Variants in MAF observed in about 807,000 individuals in gnomAD.
The protein encoded by MAF is transcription factor Maf.
In MAF, 10 loss-of-function variants were observed where a neutral mutation model predicts 22.0. The ratio of observed to expected loss-of-function variants is 0.45; its 90% CI spans 0.28 to 0.77. MAF has a LOEUF of 0.77. MAF is among the 30% of genes least tolerant of loss of function. The probability of loss-of-function intolerance (pLI) is 0.12; values close to 1 mark genes in which losing one functional copy is unlikely to be tolerated. For synonymous variants in MAF, 337 were observed against 255.8 expected (o/e 1.32, Z -3.03); for missense variants, 544 against 548.4 (o/e 0.99, Z 0.08).
At chr16:79,404,022 G>A in the MAF span, among the ~76,000 whole-genome samples, 2 of 152,034 alleles carry the variant, frequency 1.3e-5, no homozygotes, top group African/African-American at 2.4e-5. Context: ...GCATCACCAC[G>A]TATTTCTAAA....
the MAF span, among the ~76,000 whole-genome samples, chr16:79,231,652 A>G: frequency 6.6e-6 from 1 of 152,086 alleles, no homozygotes; most frequent in African/African-American, 2.4e-5. Flanking sequence ...AGAATTACAA[A>G]GGTGTTAAGA....
downstream of MAF, among the ~76,000 whole-genome samples, chr16:79,584,615 T>C (rs2143686705): frequency 6.6e-6 from 1 of 152,270 alleles, no homozygotes; most frequent in South Asian, 2.1e-4. Context: ...CCAGTGGACC[T>C]AGATCATCAT....
chr16:79,496,879 A>G, the MAF span, among the ~76,000 whole-genome samples: 1 of 152,160 alleles, frequency 6.6e-6, no homozygotes, highest in African/African-American at 2.4e-5. Flanking sequence ...AATCCCTCTG[A>G]TTATTATTTT....
chr16:79,550,869 C>G, the MAF span, among the ~76,000 whole-genome samples: 1 of 152,158 alleles, frequency 6.6e-6, no homozygotes, highest in East Asian at 1.9e-4. Context: ...GAGATTGGCA[C>G]AGATGGCTCA....
the MAF span, among the ~76,000 whole-genome samples, chr16:79,306,724 C>T: frequency 3.9e-5 from 6 of 152,266 alleles, no homozygotes; most frequent in East Asian, 9.6e-4. Flanking sequence ...CACTTTCGTT[C>T]TTATCTTGGG....
the MAF span, among the ~76,000 whole-genome samples, chr16:79,396,413 G>T: frequency 1.3e-5 from 2 of 152,290 alleles, no homozygotes; most frequent in Admixed American, 1.3e-4. Context: ...CAAAGAAGTG[G>T]AAACCACAAG....
chr16:79,205,979 A>T, the MAF span: 1 of 152,192 alleles, frequency 6.6e-6, no homozygotes, highest in Non-Finnish European at 1.5e-5. Context: ...TTAGTTCTGC[A>T]AATCTGGCAC....
At chr16:79,558,576 A>G in the MAF span, among the ~76,000 whole-genome samples, 5 of 152,354 alleles carry the variant, frequency 3.3e-5, no homozygotes, top group East Asian at 1.9e-4. Context: ...AATCAGCTCC[A>G]TAACACAAAG....
the MAF span, among the ~76,000 whole-genome samples, chr16:79,323,505 G>T: frequency 1.3e-5 from 2 of 152,286 alleles, no homozygotes; most frequent in East Asian, 3.9e-4. Context: ...ATAAACTTCA[G>T]CTTGCAAGAC....
chr16:79,372,066 A>ATTT, the MAF span, among the ~76,000 whole-genome samples: 2,243 of 132,410 alleles, frequency 0.017, 57 homozygotes, highest in African/African-American at 0.055. Flanking sequence ...AGGGAGAGGA[A>ATTT]TTTTTTTTTT....
the MAF span, among the ~76,000 whole-genome samples, chr16:79,529,842 T>A: frequency 6.6e-6 from 1 of 151,834 alleles, no homozygotes; most frequent in Non-Finnish European, 1.5e-5. Context: ...ACACCTGTAA[T>A]CCCAGCTACT....
chr16:79,597,284 G>C (rs758348436), intron 1 of MAF: 2 of 1,045,004 alleles, frequency 1.9e-6, no homozygotes, highest in Non-Finnish European at 1.2e-6. Context: ...TGGGCTAACA[G>C]ATTATAAAAA....
the MAF span, among the ~76,000 whole-genome samples, chr16:79,543,352 C>T: frequency 6.6e-6 from 1 of 152,174 alleles, no homozygotes; most frequent in Non-Finnish European, 1.5e-5. Context: ...GGTCAAGTGC[C>T]TCCTTCCCAC....
chr16:79,341,386 T>A, the MAF span, among the ~76,000 whole-genome samples: 17 of 152,186 alleles, frequency 1.1e-4, no homozygotes, highest in Non-Finnish European at 2.1e-4. Flanking sequence ...GCTCAGTGGC[T>A]ACTCAGCGGG....
chr16:79,536,241 A>C, the MAF span, among the ~76,000 whole-genome samples: 115,245 of 152,230 alleles, frequency 0.76, 45,545 homozygotes, highest in Non-Finnish European at 0.87. Flanking sequence ...AATTCACTGC[A>C]AATTTCTGCC....
the MAF span, among the ~76,000 whole-genome samples, chr16:79,334,084 A>G: frequency 6.6e-6 from 1 of 152,242 alleles, no homozygotes; most frequent in East Asian, 1.9e-4. Context: ...TGTGAGACAA[A>G]CATCGGATGC....
chr16:79,283,967 C>CAAAA, the MAF span, among the ~76,000 whole-genome samples: 62 of 115,538 alleles, frequency 5.4e-4, 2 homozygotes, highest in African/African-American at 1.3e-3. Context: ...ACCTCCTCCT[C>CAAAA]AAAAAAAAAA....
Position 79,599,032 on chromosome 16 carries a change from G to C in MAF, c.871C>G (p.Gln291Glu). ...VSKEEVIRLK[Q>E]KRRTLKNRGY... Reference sequence around the variant, plus strand: ...CGGTTTTTCAGGGTCCGCCTCTTCTGCTTCAGCCGGATCACCTCCTCCTTG... The same window carrying C: ...CGGTTTTTCAGGGTCCGCCTCTTCTCCTTCAGCCGGATCACCTCCTCCTTG... Residue 291 changes from glutamine to glutamate, a missense_variant, in exon 1 of 2, where the codon CAG becomes GAG. By Grantham distance (29) the Gln-to-Glu change is conservative. Transcript: ENST00000326043. 1 of 1,613,206 alleles carries C rather than the reference G, an allele frequency of 6.2e-7. No individual in the cohort carries two copies. Among genetic ancestry groups the C allele is most frequent in the Non-Finnish European group, 8.5e-7 (1 of 1,179,912 alleles).
the MAF span, among the ~76,000 whole-genome samples, chr16:79,402,200 A>G: frequency 6.6e-6 from 1 of 152,216 alleles, no homozygotes; most frequent in South Asian, 2.1e-4. Context: ...TCCTCTCTTC[A>G]TAAGACCTTT....
Sources: gnomAD v4.1 joint callset for allele counts (sites outside exome capture counted in the v4.1 genomes callset) on GRCh38, gnomAD v4.1.1 for gene constraint, MANE v1.5 for transcripts, NCBI Gene and HGNC (gene_info 2026-07-23, HGNC 2026-07-21) for gene names.